Variants in GDPD4 observed in about 807,000 individuals in gnomAD.
GDPD4 encodes glycerophosphodiester phosphodiesterase domain containing 4.
In GDPD4, 60 loss-of-function variants were observed where a neutral mutation model predicts 67.8. That is an observed-to-expected ratio of 0.88 (90% CI 0.72 to 1.10). The LOEUF is 1.10. GDPD4 is among the 50% of genes least tolerant of loss of function. The pLI, the probability that GDPD4 is intolerant of heterozygous loss-of-function variation, is 0.00. For missense variants in GDPD4, 623 were observed against 613.9 expected, an observed-to-expected ratio of 1.01 and a Z score of -0.16; for synonymous variants, 212 against 210.9, an observed-to-expected ratio of 1.00 and a Z score of -0.04.
Position 77,241,390 on chromosome 11 carries a change from G to A in GDPD4, c.1241+2304C>T, listed in dbSNP as rs1042778383. Among the ~76,000 whole-genome samples the A allele has an allele frequency of 2.0e-5, 3 of 152,138 alleles. No homozygotes were observed. In the East Asian group the frequency reaches 5.8e-4, roughly 29 times the overall value. On this transcript the variant is annotated intron_variant, in intron 13 of 16. Transcript: ENST00000315938. ...GGACTCTAAAAAAGTCAAACTTACAGTGGGGTACGGTGGCTCACACCTATA... is the reference window on the plus strand; with the variant it reads ...GGACTCTAAAAAAGTCAAACTTACAATGGGGTACGGTGGCTCACACCTATA...
intron 5 of GDPD4, among the ~76,000 whole-genome samples, chr11:77,273,952 C>G (rs187851976): frequency 6.6e-6 from 1 of 152,282 alleles, no homozygotes; most frequent in Admixed American, 6.5e-5. Context: ...GTGAGAGATG[C>G]TGCCACTCAA....
Position 77,217,157 on chromosome 11 carries a change from T to C in GDPD4, c.*120A>G, listed in dbSNP as rs1172650007. 2.5e-6 allele frequency: 2 copies of C among 799,930 alleles called. No individual in the cohort carries two copies. Among genetic ancestry groups the C allele is most frequent in the Non-Finnish European group, 4.5e-6 (2 of 442,338 alleles). The allele number at this position is 799,930 out of a possible 1,614,324, so 49.6% of individuals were successfully genotyped here. ...TAGTTTCTTGGATGGTGCTGCAAAA[T>C]TGAAATGGCCTTGGTGTTCCTTTCC... On this transcript the variant is annotated 3_prime_UTR_variant, in exon 17 of 17. Transcript: ENST00000315938.
At chr11:77,248,584 C>T (rs1958826999) in intron 11 of GDPD4, among the ~76,000 whole-genome samples, 1 of 152,138 alleles carries the variant, frequency 6.6e-6, no homozygotes, top group African/African-American at 2.4e-5. Context: ...CACCAGAGTA[C>T]TACAACCACT....
chr11:77,298,741 T>G (rs1183225175), intron 1 of GDPD4, among the ~76,000 whole-genome samples: 1 of 152,108 alleles, frequency 6.6e-6, no homozygotes, highest in Non-Finnish European at 1.5e-5. Flanking sequence ...TAACAGAGAT[T>G]CTTTACAGAT....
chr11:77,282,593 G>A (rs1046854305), intron 3 of GDPD4, among the ~76,000 whole-genome samples: 2 of 151,708 alleles, frequency 1.3e-5, no homozygotes, highest in African/African-American at 2.4e-5. Flanking sequence ...GGCAGAGGCT[G>A]CAATGAGCCA....
chr11:77,270,951 A>G (rs1335001319), intron 7 of GDPD4, 179 bp downstream of exon 7: 3 of 554,944 alleles, frequency 5.4e-6, no homozygotes, highest in African/African-American at 3.9e-5. Context: ...ATGACAGGCC[A>G]TTGGCCACTA....
At chr11:77,258,655 A>C in intron 10 of GDPD4, 113 bp from the exon 11 acceptor site, 1 of 861,804 alleles carries the variant, frequency 1.2e-6, no homozygotes, top group Non-Finnish European at 1.9e-6. Context: ...AGGGCTCCTT[A>C]CTCCCTCTCA....
At chr11:77,286,729 G>C (rs553972478) in intron 2 of GDPD4, among the ~76,000 whole-genome samples, 8 of 152,166 alleles carry the variant, frequency 5.3e-5, no homozygotes, top group Non-Finnish European at 1.0e-4. Flanking sequence ...GCTAGTCCAC[G>C]TGCCACCACT....
intron 13 of GDPD4, among the ~76,000 whole-genome samples, chr11:77,235,009 G>GTTTTTTTCTTTTTTTTTTTTTTTTT (rs1958525203): frequency 1.9e-5 from 1 of 52,254 alleles, no homozygotes; most frequent in Non-Finnish European, 3.7e-5. Flanking sequence ...GTCAATATCT[G>GTTTTTTTCTTTTTTTTTTTTTTTTT]TTTTTTTTTT....
intron 13 of GDPD4, among the ~76,000 whole-genome samples, chr11:77,238,482 G>C (rs1337191051): frequency 6.6e-6 from 1 of 151,638 alleles, no homozygotes; most frequent in African/African-American, 2.4e-5. Context: ...TACTTGGGAG[G>C]CTGAGGCAGG....
chr11:77,236,418 G>T (rs554575308), intron 13 of GDPD4, among the ~76,000 whole-genome samples: 3 of 151,636 alleles, frequency 2.0e-5, no homozygotes, highest in Non-Finnish European at 4.4e-5. Context: ...AATATTACTG[G>T]ACCTAACATT....
chr11:77,270,205 T>C (rs964791986), intron 7 of GDPD4, among the ~76,000 whole-genome samples: 2 of 152,218 alleles, frequency 1.3e-5, no homozygotes, highest in African/African-American at 4.8e-5. Context: ...GGTTTATCCA[T>C]AGAGTGGTGA....
chr11:77,223,871 C>CTTTG (rs772400648), intron 16 of GDPD4, among the ~76,000 whole-genome samples: 3 of 152,200 alleles, frequency 2.0e-5, no homozygotes, highest in African/African-American at 7.2e-5. Context: ...GTCCTGGCTG[C>CTTTG]TTTGTTTACC....
At chr11:77,297,696 T>C (rs534935165) in intron 1 of GDPD4, among the ~76,000 whole-genome samples, 60 of 152,294 alleles carry the variant, frequency 3.9e-4, no homozygotes, top group African/African-American at 1.4e-3. Flanking sequence ...TACATATCCA[T>C]ATAGTTTGTG....
In GDPD4 at chr11:77,221,170, T is replaced by TATC. The variant is rs1383672697; in HGVS notation, c.1526-3859_1526-3857dup. Among the ~76,000 whole-genome samples, 4 of 152,268 alleles carry TATC rather than the reference T, an allele frequency of 2.6e-5. No homozygotes were observed. The East Asian group carries it at 5.8e-4, about 22-fold the overall frequency. On this transcript the variant is annotated intron_variant, in intron 16 of 16. Transcript: ENST00000315938. ...ATTCTTGCTAGTGGTCTATCAATTT[T>TATC]ATCTTTTCAAAAAACCAGCTCCTGG...
chr11:77,220,705 T>G (rs1355593215), intron 16 of GDPD4, among the ~76,000 whole-genome samples: 1 of 152,338 alleles, frequency 6.6e-6, no homozygotes, highest in Middle Eastern at 3.4e-3. Context: ...GGTATCAGGA[T>G]GATGCTGGCC....
chr11:77,275,231 G>C (rs137890892), intron 5 of GDPD4, among the ~76,000 whole-genome samples: 208 of 152,130 alleles, frequency 1.4e-3, no homozygotes, highest in African/African-American at 4.7e-3. Context: ...GCCCAAAAAA[G>C]TCTATAAAAA....
chr11:77,245,134 A>G (rs1429251710), intron 12 of GDPD4, 147 bp downstream of exon 12: 16 of 642,046 alleles, frequency 2.5e-5, no homozygotes, highest in African/African-American at 3.7e-5. Context: ...ATGTAGCTGT[A>G]TAAGTAACAA....
rs1034560793 is a variant in GDPD4 at position 77,233,141 on chromosome 11, C to A, written c.1273G>T (p.Val425Leu). ...DYKAANIHIN[V>L]YTVNEPWLFS... The stretch of plus-strand genomic sequence containing the variant: ...AGCCAAGGCTCATTGACGGTGTATA[C>A]GTTGATATGGATGTTAGCTGCTTTA... Residue 425 changes from valine to leucine, a missense_variant, in exon 14 of 17, where the codon GTA becomes TTA. Coordinates refer to ENST00000315938, the MANE Select transcript of GDPD4 (RefSeq NM_182833.3). 1.9e-6 allele frequency: 3 copies of A among 1,613,910 alleles called. No individual in the cohort carries two copies. The South Asian group carries it at 3.3e-5, about 18-fold the overall frequency.
Sources: allele counts gnomAD v4.1 joint callset (sites outside exome capture counted in the v4.1 genomes callset), GRCh38; gene constraint gnomAD v4.1.1; transcripts MANE v1.5; gene names NCBI Gene and HGNC (gene_info 2026-07-23, HGNC 2026-07-21).